The following ARID2 variants were observed in gnomAD, a reference collection of about 807,000 sequenced individuals.
ARID2 encodes the protein AT-rich interactive domain-containing protein 2.
ARID2 carries 32 observed loss-of-function variants against 184.6 expected under a neutral mutation model. The observed-to-expected ratio is 0.17, with a 90% CI of 0.13 to 0.23. The LOEUF (loss-of-function observed/expected upper bound fraction) is 0.23, where lower values mean the gene tolerates loss of function less well. Among genes scored for constraint, ARID2 ranks in the 10% least tolerant of loss-of-function variants. ARID2 has a pLI of 1.00. For synonymous variants in ARID2, 836 were observed against 772.6 expected, an observed-to-expected ratio of 1.08 and a Z score of -1.36; for missense variants, 1,696 against 2,197.6, an observed-to-expected ratio of 0.77 and a Z score of 4.56.
intron 2 of ARID2, among the ~76,000 whole-genome samples, chr12:45,730,549 G>C (rs1940969744): frequency 1.3e-5 from 2 of 152,208 alleles, no homozygotes; most frequent in Non-Finnish European, 2.9e-5. Context: ...GACACACAGA[G>C]ACACACAGAC....
At chr12:45,871,395 G>A (rs1457188922) in intron 16 of ARID2, among the ~76,000 whole-genome samples, 2 of 152,058 alleles carry the variant, frequency 1.3e-5, no homozygotes, top group Non-Finnish European at 2.9e-5. Flanking sequence ...TTTTTGTCTT[G>A]TGAATGTGAT....
Position 45,852,734 on chromosome 12 carries a change from A to G in ARID2, c.4611A>G (p.Arg1537=), listed in dbSNP as rs1480185658. The part of the protein sequence containing the change: ...VAGIPNKVGV[R]IVTISDPNNA... Reference sequence around the variant, plus strand: ...GAATTCCAAATAAAGTAGGAGTTAGAATTGTTACAATCAGTGACCCCAACA... The same window carrying G: ...GAATTCCAAATAAAGTAGGAGTTAGGATTGTTACAATCAGTGACCCCAACA... The change falls in exon 15 of 21, where the codon AGA becomes AGG. Residue 1537 remains arginine, a synonymous_variant. Coordinates refer to ENST00000334344, the MANE Select transcript of ARID2 (RefSeq NM_152641.4). 1.2e-6 allele frequency: 2 copies of G among 1,614,058 alleles called. No homozygotes were observed. The highest frequency in any genetic ancestry group is 1.7e-5 in the Admixed American group (1 of 60,000).
chr12:45,731,080 T>G, intron 2 of ARID2, 137 bp from the exon 3 acceptor site: 1 of 623,478 alleles, frequency 1.6e-6, no homozygotes, highest in South Asian at 1.8e-5. Context: ...GCTTAGTAAC[T>G]CTTACCGATC....
rs1166853627 is a variant in ARID2, at chr12:45,860,847, C to T, written c.4820C>T (p.Pro1607Leu). The T allele has an allele frequency of 1.2e-6, 2 of 1,608,400 alleles. No homozygotes were observed. Among genetic ancestry groups the T allele is most frequent in the Non-Finnish European group, 1.7e-6 (2 of 1,177,336 alleles). The part of the protein sequence containing the change: ...PSPAVQVQGQ[P>L]NSSQPSPFSG... ...CCAGCTGTACAAGTGCAGGGCCAGC[C>T]TAACAGTTCTCAGCCTTCTCCATTC... Residue 1607 changes from proline (P) to leucine (L), a missense_variant, in exon 16 of 21, where the codon CCT (proline) becomes CTT (leucine). Pro to Leu is a moderately conservative substitution (Grantham distance 98). Around this residue, in one of 11 missense-constraint regions of ARID2, gnomAD observed 111 missense variants for 154.0 expected, o/e 0.72. Coordinates refer to ENST00000334344, the MANE Select transcript of ARID2 (RefSeq NM_152641.4).
intron 6 of ARID2, among the ~76,000 whole-genome samples, chr12:45,833,633 G>T (rs1943162518): frequency 6.6e-6 from 1 of 152,116 alleles, no homozygotes; most frequent in Non-Finnish European, 1.5e-5. Context: ...GATTATCAGA[G>T]TAGGGTTGTT....
intron 3 of ARID2, among the ~76,000 whole-genome samples, chr12:45,789,992 T>G (rs375524691): frequency 8.5e-5 from 13 of 152,194 alleles, no homozygotes; most frequent in African/African-American, 3.1e-4. Flanking sequence ...TGTCTTTTAT[T>G]AATAGAGCAG....
intron 3 of ARID2, among the ~76,000 whole-genome samples, chr12:45,804,362 G>A (rs1942560017): frequency 6.6e-6 from 1 of 151,996 alleles, no homozygotes; most frequent in Admixed American, 6.6e-5. Context: ...CTACAGATGA[G>A]TTTAATTGTT....
intron 3 of ARID2, 102 bp downstream of exon 3, chr12:45,731,416 T>C (rs1940996174): frequency 1.3e-6 from 1 of 764,640 alleles, no homozygotes; most frequent in Non-Finnish European, 2.3e-6. Context: ...CAAACAGTTC[T>C]TAAGCTCTTG....
At chr12:45,746,100 A>AT (rs34374158) in intron 3 of ARID2, among the ~76,000 whole-genome samples, 24,220 of 140,082 alleles carry the variant, frequency 0.17, 2,202 homozygotes, top group Admixed American at 0.23. Context: ...TTCTGGTTTG[A>AT]TTTTTTTTTT....
chr12:45,844,208 C>T (rs1451609214), intron 11 of ARID2, among the ~76,000 whole-genome samples: 2 of 151,920 alleles, frequency 1.3e-5, no homozygotes, highest in Non-Finnish European at 2.9e-5. Flanking sequence ...TGGCTAAGGA[C>T]GGGGTTTCAC....
At chr12:45,780,087 T>C (rs1481627577) in intron 3 of ARID2, among the ~76,000 whole-genome samples, 1 of 152,238 alleles carries the variant, frequency 6.6e-6, no homozygotes, top group Non-Finnish European at 1.5e-5. Flanking sequence ...AGTTGGTAAA[T>C]GCTAACTACA....
At chr12:45,797,391 T>G (rs974089324) in intron 3 of ARID2, among the ~76,000 whole-genome samples, 31 of 152,082 alleles carry the variant, frequency 2.0e-4, no homozygotes, top group African/African-American at 7.5e-4. Context: ...TGCACCACCA[T>G]GCCCAGCTAA....
chr12:45,848,081 AG>A, intron 12 of ARID2, among the ~76,000 whole-genome samples: 1 of 151,848 alleles, frequency 6.6e-6, no homozygotes. Flanking sequence ...TTTCTTGGAG[AG>A]GGGGAAGAGA....
At position 45,851,526 on chromosome 12, in the gene ARID2, C is replaced by T. The variant is rs2138171687; in HGVS notation, c.3403C>T (p.Pro1135Ser). The change falls in exon 15 of 21, where the codon CCA (proline) becomes TCA (serine). Residue 1135 changes from proline (P) to serine (S), a missense_variant. By Grantham distance (74) the Pro-to-Ser change is moderately conservative. Transcript: ENST00000334344. Reference protein sequence around the residue: ...QNVQLVPSAMPPSGGVQTVPI... With the variant: ...QNVQLVPSAMSPSGGVQTVPI... Reference sequence around the variant, plus strand: ...TGTTCAGTTGGTCCCAAGTGCAATGCCACCCTCAGGGGGAGTACAAACTGT... The same window carrying T: ...TGTTCAGTTGGTCCCAAGTGCAATGTCACCCTCAGGGGGAGTACAAACTGT... 6.2e-7 allele frequency: 1 copy of T among 1,614,126 alleles called. No homozygotes were observed. The highest frequency in any genetic ancestry group is 8.5e-7 in the Non-Finnish European group (1 of 1,179,988).
intron 20 of ARID2, among the ~76,000 whole-genome samples, chr12:45,898,845 C>T (rs1030019726): frequency 5.3e-5 from 8 of 151,482 alleles, no homozygotes; most frequent in Non-Finnish European, 7.4e-5. Context: ...ACCCAGGAGG[C>T]GGATGTTGCA....
rs140694054 is a variant in ARID2 at position 45,737,851 on chromosome 12, A to C, written c.284+6537A>C. ...ACATCTGGTCTAGGGGCACCTGCTCAAGCTGCACCTGTCATCTCTGACCAC... is the reference window on the plus strand; with the variant it reads ...ACATCTGGTCTAGGGGCACCTGCTCCAGCTGCACCTGTCATCTCTGACCAC... On this transcript the variant is annotated intron_variant, in intron 3 of 20. Coordinates refer to ENST00000334344, the MANE Select transcript of ARID2 (RefSeq NM_152641.4). Among the ~76,000 whole-genome samples, 371 of 152,264 alleles carry C rather than the reference A, an allele frequency of 2.4e-3. 2 individuals are homozygous for C. Among genetic ancestry groups the C allele is most frequent in the African/African-American group, 8.5e-3 (355 of 41,542 alleles).
At chr12:45,776,781 CT>C (rs745431917) in intron 3 of ARID2, among the ~76,000 whole-genome samples, 7,656 of 112,416 alleles carry the variant, frequency 0.068, 534 homozygotes, top group African/African-American at 0.26. Flanking sequence ...GAGATTCCGG[CT>C]TTTTTTTTTT....
At position 45,893,349 on chromosome 12, in the gene ARID2, T is replaced by C. The variant is rs1944327750; in HGVS notation, c.5148-71T>C. 4 of 1,508,668 alleles carry C rather than the reference T, an allele frequency of 2.7e-6. No homozygotes were observed. In the South Asian group the frequency reaches 3.8e-5, roughly 14 times the overall value. The allele number at this position is 1,508,668 out of a possible 1,614,324, so 93.5% of individuals were successfully genotyped here. On this transcript the variant is annotated intron_variant, in intron 18 of 20. Transcript: ENST00000334344. ...AACCAGCTTAAAGGGGTTGGCAGGG[T>C]GGTCATAGTTGTCAGTCTGTCTGCA...
intron 2 of ARID2, 77 bp downstream of exon 2, chr12:45,730,214 C>T (rs1035723091): frequency 9.5e-6 from 14 of 1,472,172 alleles, no homozygotes; most frequent in Non-Finnish European, 1.3e-5. Context: ...GGAGTGGGCG[C>T]TTGGGGCTGG....
Sources: gnomAD v4.1 joint callset for allele counts (sites outside exome capture counted in the v4.1 genomes callset) on GRCh38, gnomAD v4.1.1 for gene constraint, gnomAD v4.1.1 regional missense constraint, MANE v1.5 for transcripts, NCBI Gene and HGNC (gene_info 2026-07-23, HGNC 2026-07-21) for gene names.